The following CERS6 variants were observed in gnomAD, a reference collection of about 807,000 sequenced individuals.
CERS6 encodes LAG1 homolog, ceramide synthase 6.
In CERS6, 26 loss-of-function variants were observed where a neutral mutation model predicts 56.8. That is an observed-to-expected ratio of 0.46 (90% CI 0.34 to 0.63). CERS6 has a LOEUF of 0.63. Among genes scored for constraint, CERS6 ranks in the 30% least tolerant of loss-of-function variants. The pLI, the probability that CERS6 is intolerant of heterozygous loss-of-function variation, is 0.01. For missense variants in CERS6, 415 were observed against 467.5 expected (o/e 0.89, Z 1.04); for synonymous variants, 164 against 173.3 (o/e 0.95, Z 0.42).
intron 8 of CERS6, among the ~76,000 whole-genome samples, chr2:168,744,252 A>G (rs1047973256): frequency 5.3e-5 from 8 of 151,466 alleles, no homozygotes; most frequent in African/African-American, 7.3e-5. Flanking sequence ...TGATCCGCCC[A>G]CCTCGGCCTC....
intron 8 of CERS6, among the ~76,000 whole-genome samples, chr2:168,736,402 C>G (rs939591752): frequency 1.3e-5 from 2 of 152,184 alleles, no homozygotes; most frequent in Non-Finnish European, 2.9e-5. Flanking sequence ...TCATAGCTCA[C>G]TGCAGCCTCA....
intron 1 of CERS6, among the ~76,000 whole-genome samples, chr2:168,495,717 CAT>C (rs1287052030): frequency 3.3e-5 from 5 of 152,174 alleles, no homozygotes; most frequent in Admixed American, 6.5e-5. Context: ...AGTGATGACT[CAT>C]GTGTGCATGC....
chr2:168,483,777 C>T (rs1416010905), intron 1 of CERS6, among the ~76,000 whole-genome samples: 2 of 152,106 alleles, frequency 1.3e-5, no homozygotes, highest in Non-Finnish European at 2.9e-5. Flanking sequence ...AATAACTAGG[C>T]GTATTGGAAC....
chr2:168,641,866 A>G lies in CERS6; in HGVS notation c.465+10824A>G, dbSNP rs1310868458. Among the ~76,000 whole-genome samples, 5 of 151,128 alleles carry G rather than the reference A, an allele frequency of 3.3e-5. No homozygotes were observed. In the East Asian group the frequency reaches 7.8e-4, roughly 24 times the overall value. The stretch of plus-strand genomic sequence containing the variant: ...CCTATAGCACTTGATATCCAGCCAA[A>G]TAGATGGTTCATACTTGAGTAATGG... On this transcript the variant is annotated intron_variant, in intron 4 of 9. Coordinates refer to ENST00000305747, the MANE Select transcript of CERS6 (RefSeq NM_203463.3).
intron 1 of CERS6, among the ~76,000 whole-genome samples, chr2:168,545,146 C>T (rs563273355): frequency 6.6e-6 from 1 of 151,840 alleles, no homozygotes; most frequent in South Asian, 2.1e-4. Flanking sequence ...TTTGTAGAAA[C>T]ACATACATGT....
At chr2:168,663,395 T>A (rs867824015) in intron 4 of CERS6, among the ~76,000 whole-genome samples, 2 of 152,078 alleles carry the variant, frequency 1.3e-5, no homozygotes, top group Non-Finnish European at 2.9e-5. Context: ...ATGCAGAATT[T>A]AAAAAAACTA....
At chr2:168,701,186 A>C (rs1686797280) in intron 6 of CERS6, among the ~76,000 whole-genome samples, 2 of 152,200 alleles carry the variant, frequency 1.3e-5, no homozygotes, top group South Asian at 2.1e-4. Context: ...GTAAGAAATA[A>C]GCCTTTGTTT....
At chr2:168,706,059 TAGAG>T (rs1293664009) in intron 6 of CERS6, among the ~76,000 whole-genome samples, 1 of 152,178 alleles carries the variant, frequency 6.6e-6, no homozygotes, top group Admixed American at 6.5e-5. Flanking sequence ...CTCGTAGTGA[TAGAG>T]AGCTTCTGAG....
chr2:168,532,946 T>A (rs532236230), intron 1 of CERS6, among the ~76,000 whole-genome samples: 1 of 152,330 alleles, frequency 6.6e-6, no homozygotes, highest in Non-Finnish European at 1.5e-5. Flanking sequence ...AAATATTCAT[T>A]GAAAGCATTT....
rs7600243 is a variant in CERS6 at position 168,720,765 on chromosome 2, C to T, written c.845+2787C>T. Reference sequence around the variant, plus strand: ...TTGTTAAGTGAGATTATTTATTTAACGTGAAAAGAGAGACCTCTTAGGAAA... The same window carrying T: ...TTGTTAAGTGAGATTATTTATTTAATGTGAAAAGAGAGACCTCTTAGGAAA... On this transcript the variant is annotated intron_variant, in intron 8 of 9. Transcript: ENST00000305747. Among the ~76,000 whole-genome samples, 803 of 151,906 alleles carry T rather than the reference C, an allele frequency of 5.3e-3. 8 individuals are homozygous for T. The highest frequency in any genetic ancestry group is 0.019 in the African/African-American group (773 of 41,382).
chr2:168,636,008 T>C (rs1684852695), intron 4 of CERS6, among the ~76,000 whole-genome samples: 1 of 152,254 alleles, frequency 6.6e-6, no homozygotes, highest in East Asian at 1.9e-4. Context: ...TATGAGTCCA[T>C]TTAAGATTTT....
At chr2:168,613,927 T>TG (rs990777381) in intron 3 of CERS6, among the ~76,000 whole-genome samples, 6 of 152,236 alleles carry the variant, frequency 3.9e-5, no homozygotes, top group African/African-American at 1.4e-4. Flanking sequence ...TCACAACTCT[T>TG]GCAATCAGCA....
At chr2:168,485,767 C>A (rs1305402300) in intron 1 of CERS6, among the ~76,000 whole-genome samples, 4 of 152,190 alleles carry the variant, frequency 2.6e-5, no homozygotes, top group African/African-American at 7.2e-5. Context: ...TTGGTTGTGT[C>A]CAAGTTTTGG....
intron 3 of CERS6, among the ~76,000 whole-genome samples, chr2:168,607,935 T>C (rs1684093161): frequency 6.6e-6 from 1 of 152,182 alleles, no homozygotes; most frequent in Non-Finnish European, 1.5e-5. Context: ...CAGTTATCTG[T>C]TCTTTAATGT....
intron 3 of CERS6, among the ~76,000 whole-genome samples, chr2:168,596,782 T>G (rs1015159045): frequency 2.6e-5 from 4 of 152,074 alleles, no homozygotes; most frequent in African/African-American, 9.7e-5. Flanking sequence ...TCATGAACGC[T>G]TGGCGTCCCA....
intron 3 of CERS6, among the ~76,000 whole-genome samples, chr2:168,593,700 A>G (rs1683730187): frequency 6.6e-6 from 1 of 152,156 alleles, no homozygotes. Flanking sequence ...CCCTTTTTTA[A>G]TAGTATAAAA....
rs34492119 is a variant in CERS6 at position 168,484,167 on chromosome 2, G to GTTTTTTTT, written c.170+27573_170+27580dup. Among the ~76,000 whole-genome samples the GTTTTTTTT allele has an allele frequency of 6.4e-4, 33 of 51,608 alleles. 2 individuals are homozygous for GTTTTTTTT. The highest frequency in any genetic ancestry group is 7.8e-4 in the Non-Finnish European group (21 of 27,046). 33.9% of individuals were successfully genotyped at this position (51,608 alleles called of 152,430 possible). On this transcript the variant is annotated intron_variant, in intron 1 of 9. Transcript: ENST00000305747. ...TTTTCTTTTTCTTTTTCTTTTTTCT[G>GTTTTTTTT]TTTTTTTTTTTTTTTTTTTTTTTTT...
intron 4 of CERS6, among the ~76,000 whole-genome samples, chr2:168,673,826 G>A (rs150513732): frequency 1.2e-3 from 179 of 152,326 alleles, no homozygotes; most frequent in African/African-American, 4.0e-3. Flanking sequence ...GTATTTGGCT[G>A]CTTTGCACGT....
intron 1 of CERS6, among the ~76,000 whole-genome samples, chr2:168,464,638 A>G (rs1050460264): frequency 6.6e-6 from 1 of 151,842 alleles, no homozygotes; most frequent in Non-Finnish European, 1.5e-5. Context: ...GGCTGGGAGG[A>G]AGACTGAGGC....
Sources: allele counts gnomAD v4.1 joint callset (sites outside exome capture counted in the v4.1 genomes callset), GRCh38; gene constraint gnomAD v4.1.1; transcripts MANE v1.5; gene names NCBI Gene and HGNC (gene_info 2026-07-23, HGNC 2026-07-21).